CCDC171: variants seen among roughly 807,000 people sequenced by gnomAD.
The protein encoded by CCDC171 is coiled-coil domain-containing protein 171.
A neutral mutation model predicts 168.2 loss-of-function variants in CCDC171; 177 were observed. The ratio of observed to expected loss-of-function variants is 1.05; its 90% confidence interval spans 0.93 to 1.19. The LOEUF is 1.19. CCDC171 is among the 50% of genes most tolerant of loss of function. CCDC171 has a pLI of 0.00. For missense variants in CCDC171, 1,991 were observed against 1,539.0 expected (o/e 1.29, Z -4.91); for synonymous variants, 687 against 540.8 (o/e 1.27, Z -3.75).
chr9:15,962,850 TG>T (rs555172722), intron 25 of CCDC171, among the ~76,000 whole-genome samples: 1 of 151,692 alleles, frequency 6.6e-6, no homozygotes, highest in Non-Finnish European at 1.5e-5. Flanking sequence ...GGGATAGATA[TG>T]CATGTATGTG....
intron 9 of CCDC171, among the ~76,000 whole-genome samples, chr9:15,667,545 C>T (rs1320091247): frequency 1.3e-5 from 2 of 152,064 alleles, no homozygotes; most frequent in Non-Finnish European, 2.9e-5. Context: ...ACCTGGGAGG[C>T]TGAGGCAGAA....
chr9:16,092,760 C>A, the CCDC171 span, among the ~76,000 whole-genome samples: 1 of 152,218 alleles, frequency 6.6e-6, no homozygotes, highest in Non-Finnish European at 1.5e-5. Context: ...GCAAGATTCA[C>A]CCTACAAGAG....
intron 1 of CCDC171, among the ~76,000 whole-genome samples, chr9:16,053,523 G>A (rs1833784710): frequency 1.3e-5 from 2 of 152,234 alleles, no homozygotes; most frequent in African/African-American, 4.8e-5. Context: ...GTTTGTTTGA[G>A]GATATGAGGG....
chr9:15,775,815 T>C (rs2057293941), intron 18 of CCDC171, among the ~76,000 whole-genome samples: 3 of 152,170 alleles, frequency 2.0e-5, no homozygotes, highest in Admixed American at 2.0e-4. Context: ...GCAGTAGCTA[T>C]GGAAATAAAA....
intron 24 of CCDC171, among the ~76,000 whole-genome samples, chr9:15,917,093 G>A (rs1291811362): frequency 2.6e-5 from 4 of 151,932 alleles, no homozygotes; most frequent in African/African-American, 9.7e-5. Flanking sequence ...CATTTCTTCT[G>A]CCAACTTGAC....
chr9:15,643,931 A>G (rs1179456268), intron 7 of CCDC171, among the ~76,000 whole-genome samples: 1 of 152,200 alleles, frequency 6.6e-6, no homozygotes, highest in Non-Finnish European at 1.5e-5. Context: ...TTGCTGGATA[A>G]TATTCCATTC....
At chr9:15,823,197 A>G (rs1659574472) in intron 21 of CCDC171, among the ~76,000 whole-genome samples, 1 of 151,868 alleles carries the variant, frequency 6.6e-6, no homozygotes, top group African/African-American at 2.4e-5. Context: ...GGTGGGAGGG[A>G]TAACATTAGG....
intron 21 of CCDC171, among the ~76,000 whole-genome samples, chr9:15,819,452 G>A (rs57083666): frequency 0.058 from 6,793 of 116,398 alleles, 2,204 homozygotes; most frequent in African/African-American, 0.21. Context: ...CCCATCTCAC[G>A]TGCAGAGACA....
At chr9:15,806,042 A>G (rs1255193059) in intron 21 of CCDC171, among the ~76,000 whole-genome samples, 1 of 152,110 alleles carries the variant, frequency 6.6e-6, no homozygotes, top group African/African-American at 2.4e-5. Flanking sequence ...TTTGTCAGAA[A>G]CTAGTATTGC....
chr9:15,734,763 G>A (rs1460269833), intron 16 of CCDC171, among the ~76,000 whole-genome samples: 3 of 151,902 alleles, frequency 2.0e-5, no homozygotes, highest in Non-Finnish European at 4.4e-5. Context: ...AAAGTGCAAT[G>A]CAAATAAAAA....
intron 25 of CCDC171, among the ~76,000 whole-genome samples, chr9:15,932,736 A>T (rs1403251036): frequency 6.6e-6 from 1 of 151,900 alleles, no homozygotes; most frequent in Non-Finnish European, 1.5e-5. Context: ...GATGTTAGTT[A>T]TGGGTTTCCC....
chr9:15,718,767 T>C (rs2134147218), intron 11 of CCDC171, among the ~76,000 whole-genome samples: 1 of 152,310 alleles, frequency 6.6e-6, no homozygotes, highest in African/African-American at 2.4e-5. Context: ...GGGCTTGGGG[T>C]GCCCCCTAAT....
rs71491669 is a variant in CCDC171, at chr9:15,608,944, C to CAAAAAAA, written c.676-14301_676-14295dup. ...CGGGCTACAGAGCAAGACCCTGTCT[C>CAAAAAAA]AAAAAAAAAAAAAAAAAAAAAAAAA... On this transcript the variant is annotated intron_variant, in intron 6 of 25. Transcript: ENST00000380701. Among the ~76,000 whole-genome samples, 38 of 13,706 alleles carry CAAAAAAA rather than the reference C, an allele frequency of 2.8e-3. 1 individual carries two copies. Among genetic ancestry groups the CAAAAAAA allele is most frequent in the Middle Eastern group, 0.071 (1 of 14 alleles). The allele number at this position is 13,706 out of a possible 152,430, so 9.0% of individuals were successfully genotyped here. A position where few individuals can be genotyped will look rare whatever the true frequency, so the allele number is the denominator to read the frequency against.
chr9:15,839,080 T>C (rs1038487353), intron 21 of CCDC171, among the ~76,000 whole-genome samples: 1 of 152,218 alleles, frequency 6.6e-6, no homozygotes, highest in African/African-American at 2.4e-5. Context: ...AATGGAGTGC[T>C]GTACAATTCA....
intron 25 of CCDC171, among the ~76,000 whole-genome samples, chr9:15,923,717 A>T (rs780413565): frequency 6.6e-6 from 1 of 151,564 alleles, no homozygotes; most frequent in African/African-American, 2.4e-5. Flanking sequence ...CAATTTAACA[A>T]TGTATATATA....
the CCDC171 span, among the ~76,000 whole-genome samples, chr9:16,077,602 G>A: frequency 6.6e-6 from 1 of 152,142 alleles, no homozygotes; most frequent in Non-Finnish European, 1.5e-5. Context: ...ACATGTGGAG[G>A]AGCTCTAAAC....
intron 16 of CCDC171, among the ~76,000 whole-genome samples, chr9:15,741,106 A>G (rs956277179): frequency 2.0e-5 from 3 of 152,134 alleles, no homozygotes. Flanking sequence ...TATTAAGGAT[A>G]TTGATATTTT....
chr9:15,786,295 C>T (rs1020521989), intron 21 of CCDC171, among the ~76,000 whole-genome samples: 2 of 151,862 alleles, frequency 1.3e-5, no homozygotes, highest in South Asian at 2.1e-4. Flanking sequence ...GCTTACCAAC[C>T]GATATGACTG....
intron 3 of CCDC171, among the ~76,000 whole-genome samples, chr9:16,003,821 A>T (rs1011208177): frequency 6.6e-6 from 1 of 152,246 alleles, no homozygotes; most frequent in Non-Finnish European, 1.5e-5. Flanking sequence ...ACTGCAAAGT[A>T]TCCCTTTGGT....
Sources: gnomAD v4.1 joint callset for allele counts (sites outside exome capture counted in the v4.1 genomes callset) on GRCh38, gnomAD v4.1.1 for gene constraint, MANE v1.5 for transcripts, NCBI Gene and HGNC (gene_info 2026-07-23, HGNC 2026-07-21) for gene names.